The following PHACTR1 variants were observed in gnomAD, a reference collection of about 807,000 sequenced individuals.
PHACTR1 encodes the protein RPEL repeat containing 1.
In PHACTR1, 16 loss-of-function variants were observed where a neutral mutation model predicts 69.2. The observed-to-expected ratio is 0.23, with a 90% CI of 0.16 to 0.35. PHACTR1 has a LOEUF of 0.35. Among genes scored for constraint, PHACTR1 ranks in the 10% least tolerant of loss-of-function variants. The pLI, the probability that PHACTR1 is intolerant of heterozygous loss-of-function variation, is 1.00. For missense variants in PHACTR1, 510 were observed against 734.7 expected (o/e 0.69, Z 3.54); for synonymous variants, 312 against 284.5 (o/e 1.10, Z -0.97).
chr6:13,280,706 T>C (rs910837759), intron 12 of PHACTR1: 7 of 329,344 alleles, frequency 2.1e-5, no homozygotes, highest in Non-Finnish European at 4.2e-5. Context: ...AAAAATTACA[T>C]GCTTTGTCTT....
intron 5 of PHACTR1, among the ~76,000 whole-genome samples, chr6:13,157,408 A>C (rs539543273): frequency 6.6e-6 from 1 of 152,330 alleles, no homozygotes; most frequent in Non-Finnish European, 1.5e-5. Flanking sequence ...ATGTCACATG[A>C]GTCTGTAAAC....
chr6:13,033,366 A>T (rs1369413522), intron 4 of PHACTR1, among the ~76,000 whole-genome samples: 5 of 152,166 alleles, frequency 3.3e-5, no homozygotes, highest in Non-Finnish European at 7.3e-5. Context: ...TCACTGTGCA[A>T]TGACTGCATA....
chr6:13,157,106 C>T (rs1228586483), intron 5 of PHACTR1, among the ~76,000 whole-genome samples: 2 of 152,198 alleles, frequency 1.3e-5, no homozygotes, highest in African/African-American at 4.8e-5. Context: ...CCATCTCAAA[C>T]ATTCTTCATC....
At chr6:13,141,654 G>C (rs765989625) in intron 5 of PHACTR1, among the ~76,000 whole-genome samples, 3 of 151,218 alleles carry the variant, frequency 2.0e-5, no homozygotes, top group Non-Finnish European at 4.4e-5. Flanking sequence ...CTAGAGCTTT[G>C]AGTAGCACTG....
At chr6:12,767,120 G>A (rs916817715) in intron 4 of PHACTR1, among the ~76,000 whole-genome samples, 1 of 152,150 alleles carries the variant, frequency 6.6e-6, no homozygotes, top group African/African-American at 2.4e-5. Context: ...GTGGGTCAGC[G>A]TCCCAACATA....
chr6:13,025,723 G>T (rs542498209), intron 4 of PHACTR1, among the ~76,000 whole-genome samples: 92 of 150,420 alleles, frequency 6.1e-4, no homozygotes, highest in African/African-American at 2.3e-3. Flanking sequence ...GTGTGTATGG[G>T]TGTGTATGGA....
chr6:13,272,766 C>A, intron 10 of PHACTR1, 94 bp from the exon 11 acceptor site: 1 of 1,613,522 alleles, frequency 6.2e-7, no homozygotes, highest in South Asian at 1.1e-5. Flanking sequence ...ACTCCAGCCA[C>A]TGACTGTCTC....
intron 4 of PHACTR1, among the ~76,000 whole-genome samples, chr6:12,905,407 T>G (rs138366634): frequency 6.6e-6 from 1 of 152,250 alleles, no homozygotes; most frequent in African/African-American, 2.4e-5. Flanking sequence ...GTTCCCATAC[T>G]ATGTGTCTAA....
At chr6:12,891,808 A>C (rs2127469585) in intron 4 of PHACTR1, among the ~76,000 whole-genome samples, 1 of 152,324 alleles carries the variant, frequency 6.6e-6, no homozygotes. Flanking sequence ...TTACTCTGAG[A>C]TCAAACCAGC....
intron 4 of PHACTR1, among the ~76,000 whole-genome samples, chr6:12,789,203 G>C (rs972590246): frequency 6.6e-6 from 1 of 152,122 alleles, no homozygotes; most frequent in South Asian, 2.1e-4. Context: ...AATCTAAAGT[G>C]AAATTTTCAC....
intron 4 of PHACTR1, among the ~76,000 whole-genome samples, chr6:12,845,429 A>ACAC (rs1420703977): frequency 1.7e-4 from 3 of 18,064 alleles, no homozygotes; most frequent in Non-Finnish European, 3.0e-4. Context: ...AACACCACCC[A>ACAC]CCCCCCCCCC....
intron 4 of PHACTR1, among the ~76,000 whole-genome samples, chr6:13,014,392 A>G (rs1191137776): frequency 6.6e-6 from 1 of 152,204 alleles, no homozygotes; most frequent in Non-Finnish European, 1.5e-5. Flanking sequence ...GAAACAGTTA[A>G]AAGAGCAAGT....
At chr6:12,869,981 G>A (rs1302365975) in intron 4 of PHACTR1, among the ~76,000 whole-genome samples, 1 of 152,192 alleles carries the variant, frequency 6.6e-6, no homozygotes, top group South Asian at 2.1e-4. Context: ...ATAACCTTAT[G>A]TGATAGTCTG....
chr6:12,989,832 G>A (rs1311201071), intron 4 of PHACTR1, among the ~76,000 whole-genome samples: 6 of 152,210 alleles, frequency 3.9e-5, no homozygotes, highest in African/African-American at 1.4e-4. Flanking sequence ...AGCAATGGTG[G>A]TTTAAATGAA....
At chr6:12,832,751 T>G (rs1227839627) in intron 4 of PHACTR1, among the ~76,000 whole-genome samples, 1 of 152,182 alleles carries the variant, frequency 6.6e-6, no homozygotes, top group Non-Finnish European at 1.5e-5. Context: ...TAAGCTGTTA[T>G]TTGGAAAAGA....
intron 4 of PHACTR1, among the ~76,000 whole-genome samples, chr6:12,759,941 T>C (rs905296090): frequency 6.6e-6 from 1 of 152,230 alleles, no homozygotes; most frequent in African/African-American, 2.4e-5. Context: ...GGCATTTAAC[T>C]TCTCCCTTCC....
intron 3 of PHACTR1, among the ~76,000 whole-genome samples, chr6:12,746,758 T>C (rs1765832092): frequency 6.6e-6 from 1 of 152,218 alleles, no homozygotes; most frequent in South Asian, 2.1e-4. Context: ...AATTCAAAGA[T>C]GTACTTCTCT....
At chr6:13,212,913 C>T (rs1402315444) in intron 8 of PHACTR1, among the ~76,000 whole-genome samples, 2 of 152,188 alleles carry the variant, frequency 1.3e-5, no homozygotes, top group Non-Finnish European at 2.9e-5. Context: ...CAGCCTGTTC[C>T]CCAGCTCCTT....
At chr6:12,765,657 C>T (rs1424032316) in intron 4 of PHACTR1, among the ~76,000 whole-genome samples, 3 of 152,142 alleles carry the variant, frequency 2.0e-5, no homozygotes, top group Non-Finnish European at 4.4e-5. Flanking sequence ...GCCCGTCAGG[C>T]CTCTTAGCAT....
Sources: allele counts gnomAD v4.1 joint callset (sites outside exome capture counted in the v4.1 genomes callset), GRCh38; gene constraint gnomAD v4.1.1; transcripts MANE v1.5; gene names NCBI Gene and HGNC (gene_info 2026-07-23, HGNC 2026-07-21).